Variants in STK32A observed in about 807,000 individuals in gnomAD.
STK32A encodes serine/threonine kinase 32A.
STK32A carries 41 observed loss-of-function variants against 53.2 expected under a neutral mutation model. The ratio of observed to expected loss-of-function variants is 0.77; its 90% CI spans 0.60 to 1.00. STK32A has a LOEUF of 1.00. Ranked by LOEUF, STK32A falls within the 50% of genes least tolerant of loss-of-function variation. The probability of loss-of-function intolerance (pLI) is 0.00; values close to 1 mark genes in which losing one functional copy is unlikely to be tolerated. For synonymous variants in STK32A, 166 were observed against 162.8 expected, an observed-to-expected ratio of 1.02 and a Z score of -0.15; for missense variants, 458 against 485.8, an observed-to-expected ratio of 0.94 and a Z score of 0.54.
At chr5:147,401,729 C>T in the STK32A span, 1 of 1,613,144 alleles carries the variant, frequency 6.2e-7, no homozygotes, top group East Asian at 2.2e-5. Flanking sequence ...AAGGGGTTAG[C>T]ATAAAGTATA....
At chr5:147,364,235 A>G (rs1435147875) in intron 8 of STK32A, among the ~76,000 whole-genome samples, 2 of 151,050 alleles carry the variant, frequency 1.3e-5, no homozygotes, top group African/African-American at 4.9e-5. Context: ...AAAAAAAAAA[A>G]GAAATCTCCT....
intron 2 of STK32A, among the ~76,000 whole-genome samples, chr5:147,267,827 G>A (rs2151949870): frequency 6.6e-6 from 1 of 152,234 alleles, no homozygotes; most frequent in Admixed American, 6.5e-5. Flanking sequence ...GACCTCCTCT[G>A]CCTGGCTACC....
At chr5:147,276,881 G>A (rs1019903700) in intron 2 of STK32A, among the ~76,000 whole-genome samples, 2 of 152,178 alleles carry the variant, frequency 1.3e-5, no homozygotes, top group African/African-American at 4.8e-5. Flanking sequence ...CAAAGAGTCT[G>A]TCATTTATCT....
At chr5:147,280,604 A>C in intron 4 of STK32A, among the ~76,000 whole-genome samples, 1 of 144,010 alleles carries the variant, frequency 6.9e-6, no homozygotes, top group Non-Finnish European at 1.5e-5. Context: ...TGGGAATCCC[A>C]CCCCCATTCC....
chr5:147,323,853 T>G (rs1317512779), intron 4 of STK32A, 45 bp from the exon 5 acceptor site: 7 of 1,506,748 alleles, frequency 4.6e-6, no homozygotes, highest in Non-Finnish European at 6.3e-6. Context: ...GACTCTTTAA[T>G]GTGTAAATAT....
intron 4 of STK32A, among the ~76,000 whole-genome samples, chr5:147,315,359 A>C (rs1177692965): frequency 6.6e-6 from 1 of 152,222 alleles, no homozygotes; most frequent in Non-Finnish European, 1.5e-5. Context: ...TAAACACCAC[A>C]TAGTATGTGC....
intron 4 of STK32A, among the ~76,000 whole-genome samples, chr5:147,305,033 G>C (rs73260277): frequency 0.033 from 5,088 of 151,976 alleles, 257 homozygotes; most frequent in African/African-American, 0.12. Flanking sequence ...GGAGTTTGAA[G>C]TGATTACTCC....
At chr5:147,313,796 G>C (rs1439286971) in intron 4 of STK32A, among the ~76,000 whole-genome samples, 4 of 152,124 alleles carry the variant, frequency 2.6e-5, no homozygotes, top group Admixed American at 2.6e-4. Flanking sequence ...CTTTTAACCA[G>C]GGTGCCAAGA....
At chr5:147,393,098 G>A in the STK32A span, 1 of 152,118 alleles carries the variant, frequency 6.6e-6, no homozygotes, top group East Asian at 1.9e-4. Flanking sequence ...CACTCTTCTC[G>A]GTTTGCAAAG....
chr5:147,345,602 TTTTG>T (rs1207154612), intron 6 of STK32A, among the ~76,000 whole-genome samples: 3 of 152,312 alleles, frequency 2.0e-5, no homozygotes, highest in African/African-American at 4.8e-5. Flanking sequence ...GTTTAAACCA[TTTTG>T]TTTATCCCTT....
chr5:147,334,799 C>T (rs1273862641), intron 5 of STK32A, among the ~76,000 whole-genome samples: 1 of 152,180 alleles, frequency 6.6e-6, no homozygotes, highest in East Asian at 1.9e-4. Flanking sequence ...ACACTGGACA[C>T]TTCCTAATTA....
chr5:147,363,438 C>A (rs1331503906), intron 8 of STK32A, among the ~76,000 whole-genome samples: 1 of 152,194 alleles, frequency 6.6e-6, no homozygotes, highest in Admixed American at 6.5e-5. Flanking sequence ...TCTGTCTACA[C>A]AGCTCTGTTG....
chr5:147,378,750 C>T (rs150095294), intron 11 of STK32A, among the ~76,000 whole-genome samples: 6 of 145,500 alleles, frequency 4.1e-5, no homozygotes, highest in Admixed American at 1.4e-4. Context: ...ATGCGTCTGT[C>T]GTTGTACCAG....
the STK32A span, chr5:147,393,249 A>T: frequency 6.6e-6 from 1 of 152,302 alleles, no homozygotes; most frequent in Non-Finnish European, 1.5e-5. Context: ...CAAGAGGAAG[A>T]GAAGTGTCAT....
downstream of STK32A, among the ~76,000 whole-genome samples, chr5:147,389,639 C>A (rs973155748): frequency 1.3e-5 from 2 of 152,086 alleles, no homozygotes; most frequent in African/African-American, 2.4e-5. Context: ...GAGGCCGAGG[C>A]GGGTGGATTA....
chr5:147,301,044 G>T (rs1392930280), intron 4 of STK32A, among the ~76,000 whole-genome samples: 1 of 152,156 alleles, frequency 6.6e-6, no homozygotes, highest in Non-Finnish European at 1.5e-5. Flanking sequence ...AAATTTGTTT[G>T]CAATATGGAA....
At chr5:147,320,243 AGATG>A (rs935752536) in intron 4 of STK32A, among the ~76,000 whole-genome samples, 4 of 152,228 alleles carry the variant, frequency 2.6e-5, no homozygotes, top group Non-Finnish European at 5.9e-5. Flanking sequence ...ATTTATTTCA[AGATG>A]GCCCCTGTAA....
chr5:147,283,509 G>T (rs747103949), intron 4 of STK32A, among the ~76,000 whole-genome samples: 2 of 151,348 alleles, frequency 1.3e-5, no homozygotes, highest in African/African-American at 2.4e-5. Context: ...CAAAAAGATG[G>T]TTCTTTGAAA....
At chr5:147,380,162 CT>C (rs1398887931) in intron 11 of STK32A, among the ~76,000 whole-genome samples, 2 of 152,036 alleles carry the variant, frequency 1.3e-5, no homozygotes, top group African/African-American at 4.8e-5. Context: ...CAATTATAAC[CT>C]TGATTTTTAA....
Sources: allele counts gnomAD v4.1 joint callset (sites outside exome capture counted in the v4.1 genomes callset), GRCh38; gene constraint gnomAD v4.1.1; transcripts MANE v1.5; gene names NCBI Gene and HGNC (gene_info 2026-07-23, HGNC 2026-07-21).